The following GAD1 variants were observed in gnomAD, a reference collection of about 807,000 sequenced individuals.
GAD1 encodes the protein 67 kDa glutamic acid decarboxylase.
GAD1 carries 35 observed loss-of-function variants against 75.2 expected under a neutral mutation model. The observed-to-expected ratio is 0.47, with a 90% CI of 0.36 to 0.62. The LOEUF (loss-of-function observed/expected upper bound fraction) is 0.62. Ranked by LOEUF, GAD1 falls within the 20% of genes least tolerant of loss-of-function variation. The probability of loss-of-function intolerance (pLI) is 0.00; values close to 1 mark genes in which losing one functional copy is unlikely to be tolerated. For synonymous variants in GAD1, 257 were observed against 271.9 expected (o/e 0.95, Z 0.54); for missense variants, 490 against 758.5 (o/e 0.65, Z 4.16).
In GAD1 at chr2:170,817,225, ACCCCCCCC is replaced by A. The variant is rs3049870; in HGVS notation, c.-64+183_-64+190del. 3.2e-4 allele frequency: 5 copies of A among 15,472 alleles called. 1 individual carries two copies. The East Asian group carries it at 6.4e-3, about 20-fold the overall frequency. 1.0% of individuals were successfully genotyped at this position (15,472 alleles called of 1,614,324 possible). A position where few individuals can be genotyped will look rare whatever the true frequency, so the allele number is the denominator to read the frequency against. ...CTCTCCACGGGTGCGCTGCGCAGGG[ACCCCCCCC>A]CCCCCGCCTCCCTCGTCACTCTTCT... On this transcript the variant is annotated intron_variant, in intron 1 of 16. Coordinates refer to ENST00000358196, the MANE Select transcript of GAD1 (RefSeq NM_000817.3).
intron 3 of GAD1, among the ~76,000 whole-genome samples, chr2:170,823,378 C>T (rs1701942797): frequency 6.6e-6 from 1 of 152,210 alleles, no homozygotes. Context: ...GGGAACTACT[C>T]CCTTCCCTGC....
intron 15 of GAD1, 58 bp from the exon 16 acceptor site, chr2:170,858,746 A>G (rs1489578318): frequency 6.6e-7 from 1 of 1,526,274 alleles, no homozygotes. Flanking sequence ...TTGGTTTGGG[A>G]ACAGCTTTCT....
chr2:170,828,488 C>T (rs564295325), intron 3 of GAD1, among the ~76,000 whole-genome samples: 1 of 141,204 alleles, frequency 7.1e-6, no homozygotes, highest in Non-Finnish European at 1.5e-5. Context: ...GATCTCCTCC[C>T]TCTGCTGTCC....
upstream of GAD1, among the ~76,000 whole-genome samples, chr2:170,813,853 G>A (rs1701651663): frequency 6.6e-6 from 1 of 152,228 alleles, no homozygotes; most frequent in Non-Finnish European, 1.5e-5. Context: ...GGGTGGAGTA[G>A]CCGGGGCTGC....
At chr2:170,822,025 C>A (rs549939700) in intron 2 of GAD1, 62 bp from the exon 3 acceptor site, 38 of 1,348,368 alleles carry the variant, frequency 2.8e-5, no homozygotes, top group Non-Finnish European at 3.8e-5. Context: ...CATTGTCCTC[C>A]ACCCATTTCC....
chr2:170,847,289 T>G (rs1702653338), intron 10 of GAD1, among the ~76,000 whole-genome samples: 2 of 152,242 alleles, frequency 1.3e-5, no homozygotes, highest in African/African-American at 4.8e-5. Context: ...TTATTATTAC[T>G]CTTTCCTGCT....
At chr2:170,834,497 T>A (rs1479207296) in intron 5 of GAD1, among the ~76,000 whole-genome samples, 2 of 152,226 alleles carry the variant, frequency 1.3e-5, no homozygotes, top group Non-Finnish European at 2.9e-5. Context: ...AGATTTCCCA[T>A]GAACTAACAG....
rs1491060536 is a variant in GAD1, at chr2:170,832,654, G to GCA, written c.547+1463_547+1464insAC. Among the ~76,000 whole-genome samples, 8 of 25,948 alleles carry GCA rather than the reference G, an allele frequency of 3.1e-4. No individual in the cohort carries two copies. The Admixed American group carries it at 3.4e-3, about 11-fold the overall frequency. 17.0% of individuals were successfully genotyped at this position (25,948 alleles called of 152,430 possible). On this transcript the variant is annotated intron_variant, in intron 5 of 16. Transcript: ENST00000358196. ...GCCAAAAAGACACAGGCACACATGC[G>GCA]CGCGCGCGCGCACACACACACACAC...
chr2:170,857,625 C>T (rs150687396), intron 15 of GAD1, among the ~76,000 whole-genome samples: 36 of 152,154 alleles, frequency 2.4e-4, no homozygotes, highest in Admixed American at 2.2e-3. Context: ...TTTTACAAAA[C>T]GATAAAGTGG....
intron 5 of GAD1, among the ~76,000 whole-genome samples, chr2:170,833,215 C>T (rs1188027119): frequency 6.6e-6 from 1 of 152,172 alleles, no homozygotes; most frequent in East Asian, 1.9e-4. Context: ...TATTGGATGT[C>T]AAAAACAAAG....
chr2:170,836,919 T>G, intron 6 of GAD1, 36 bp downstream of exon 6: 1 of 1,385,744 alleles, frequency 7.2e-7, no homozygotes, highest in Non-Finnish European at 1.0e-6. Context: ...GCAACCCTGA[T>G]GTATGACTAT....
intron 12 of GAD1, among the ~76,000 whole-genome samples, chr2:170,850,528 A>G (rs1003751361): frequency 2.6e-5 from 4 of 152,206 alleles, no homozygotes; most frequent in Admixed American, 6.5e-5. Flanking sequence ...TGAGAGAGGT[A>G]GAAGCAGACT....
chr2:170,839,968 A>G (rs997640468), intron 6 of GAD1, among the ~76,000 whole-genome samples: 1 of 152,164 alleles, frequency 6.6e-6, no homozygotes, highest in Admixed American at 6.6e-5. Context: ...GTTATTCATC[A>G]TTTTACACCA....
At chr2:170,838,578 C>A (rs935787573) in intron 6 of GAD1, among the ~76,000 whole-genome samples, 2 of 152,170 alleles carry the variant, frequency 1.3e-5, no homozygotes, top group African/African-American at 4.8e-5. Flanking sequence ...ATTTACTCAG[C>A]ACCTTTAAGT....
rs1013389232 is a variant in GAD1 at position 170,852,974 on chromosome 2, T to C, written c.1263+182T>C. 3 of 676,234 alleles carry C rather than the reference T, an allele frequency of 4.4e-6. No individual in the cohort carries two copies. In the East Asian group the frequency reaches 8.1e-5, roughly 18 times the overall value. 41.9% of individuals were successfully genotyped at this position (676,234 alleles called of 1,614,324 possible). A position where few individuals can be genotyped will look rare whatever the true frequency, so the allele number is the denominator to read the frequency against. ...CTAACCTGGTTTCTTCTCTTGGCTCTTGCTGGCTACTGTGCTTCTTCTTTG... is the reference window on the plus strand; with the variant it reads ...CTAACCTGGTTTCTTCTCTTGGCTCCTGCTGGCTACTGTGCTTCTTCTTTG... On this transcript the variant is annotated intron_variant, in intron 13 of 16. Coordinates refer to ENST00000358196, the MANE Select transcript of GAD1 (RefSeq NM_000817.3).
intron 6 of GAD1, among the ~76,000 whole-genome samples, chr2:170,838,458 G>T (rs918947653): frequency 1.3e-5 from 2 of 152,190 alleles, no homozygotes; most frequent in African/African-American, 4.8e-5. Context: ...TTTAAATTAG[G>T]AAATATAGTT....
At position 170,818,294 on chromosome 2, in the gene GAD1, TCGAGAGCGGCCCAGGGCTACGCTCC is replaced by T; in HGVS notation, c.-63-233_-63-209del. ...AGGTCGCGCCGATGCACCGCCAGAC[TCGAGAGCGGCCCAGGGCTACGCTCC>T]CTGCGCCCCAGTACCGGAGCTAGCG... On this transcript the variant is annotated intron_variant, in intron 1 of 16. Transcript: ENST00000358196. The surrounding 1 kb of genome is among the most constrained non-coding windows in gnomAD (Gnocchi z 5.9). The T allele has an allele frequency of 3.6e-6, 1 of 280,378 alleles. No homozygotes were observed. Among genetic ancestry groups the T allele is most frequent in the South Asian group, 3.2e-5 (1 of 31,716 alleles). 17.4% of individuals were successfully genotyped at this position (280,378 alleles called of 1,614,324 possible). A position where few individuals can be genotyped will look rare whatever the true frequency, so the allele number is the denominator to read the frequency against.
At chr2:170,824,613 C>T (rs1701980744) in intron 3 of GAD1, among the ~76,000 whole-genome samples, 2 of 152,146 alleles carry the variant, frequency 1.3e-5, no homozygotes, top group African/African-American at 4.8e-5. Flanking sequence ...CACCCACTCT[C>T]CCCCTGCCCT....
chr2:170,837,576 G>A (rs1702408163), intron 6 of GAD1, among the ~76,000 whole-genome samples: 1 of 151,850 alleles, frequency 6.6e-6, no homozygotes, highest in South Asian at 2.1e-4. Context: ...TTAAGAAAAT[G>A]TCAGATTACT....
Sources: gnomAD v4.1 joint callset for allele counts (sites outside exome capture counted in the v4.1 genomes callset) on GRCh38, gnomAD v4.1.1 for gene constraint, Gnocchi (gnomAD v3.1) non-coding constraint, MANE v1.5 for transcripts, NCBI Gene and HGNC (gene_info 2026-07-23, HGNC 2026-07-21) for gene names.